B3GALT1: variants seen among roughly 807,000 people sequenced by gnomAD.
The protein encoded by B3GALT1 is beta-1,3-galactosyltransferase 1.
B3GALT1 carries 10 observed loss-of-function variants against 23.2 expected under a neutral mutation model. The ratio of observed to expected loss-of-function variants is 0.43; its 90% CI spans 0.27 to 0.73. B3GALT1 has a LOEUF of 0.73. B3GALT1 is among the 30% of genes least tolerant of loss of function. The pLI, the probability that B3GALT1 is intolerant of heterozygous loss-of-function variation, is 0.21. For synonymous variants in B3GALT1, 156 were observed against 141.5 expected (o/e 1.10, Z -0.73); for missense variants, 299 against 405.4 (o/e 0.74, Z 2.25).
chr2:167,737,168 C>G (rs567013059), intron 3 of B3GALT1, among the ~76,000 whole-genome samples: 23 of 152,272 alleles, frequency 1.5e-4, no homozygotes, highest in African/African-American at 5.3e-4. Flanking sequence ...CTTACAGGAG[C>G]TTACATTCAT....
At chr2:167,429,307 A>T (rs975377510) in intron 1 of B3GALT1, among the ~76,000 whole-genome samples, 2 of 151,522 alleles carry the variant, frequency 1.3e-5, no homozygotes, top group African/African-American at 4.8e-5. Context: ...AAAATAAGAA[A>T]TGTTTTAAAA....
intron 1 of B3GALT1, among the ~76,000 whole-genome samples, chr2:167,418,842 C>G (rs1035588802): frequency 6.6e-6 from 1 of 152,108 alleles, no homozygotes; most frequent in Non-Finnish European, 1.5e-5. Flanking sequence ...CAGCCTCTTC[C>G]GCTTTCTTCT....
chr2:167,743,779 C>T (rs528464216), intron 3 of B3GALT1, among the ~76,000 whole-genome samples: 1 of 152,152 alleles, frequency 6.6e-6, no homozygotes, highest in South Asian at 2.1e-4. Context: ...ACAACTTTGG[C>T]TGTGTTGACC....
At chr2:167,614,281 G>T (rs1402951679) in intron 2 of B3GALT1, among the ~76,000 whole-genome samples, 1 of 130,378 alleles carries the variant, frequency 7.7e-6, no homozygotes, top group Non-Finnish European at 1.7e-5. Context: ...CAAAGAAAAT[G>T]AAAAAAAAAA....
At chr2:167,348,666 T>A (rs1697261879) in intron 1 of B3GALT1, among the ~76,000 whole-genome samples, 1 of 152,160 alleles carries the variant, frequency 6.6e-6, no homozygotes, top group African/African-American at 2.4e-5. Flanking sequence ...ATCACAGATT[T>A]TTTTTTATTC....
intron 2 of B3GALT1, among the ~76,000 whole-genome samples, chr2:167,508,259 T>A (rs1053764742): frequency 2.3e-5 from 1 of 42,934 alleles, no homozygotes; most frequent in Non-Finnish European, 3.6e-5. Context: ...TTTTTATTAA[T>A]TTTTTTTTTT....
At chr2:167,774,787 C>T (rs1402051243) in intron 3 of B3GALT1, among the ~76,000 whole-genome samples, 5 of 151,998 alleles carry the variant, frequency 3.3e-5, no homozygotes, top group South Asian at 2.1e-4. Context: ...TGAGCCACCA[C>T]GCCCGGCCTC....
chr2:167,771,464 G>A lies in B3GALT1; in HGVS notation c.-351-47208G>A, dbSNP rs575386732. On this transcript the variant is annotated intron_variant, in intron 3 of 4. Transcript: ENST00000392690. Reference sequence around the variant, plus strand: ...ACAAACAAAAAAGTCCCAGCTACTCGGATGGCTGAGGCAGGAGAATTGCTT... The same window carrying A: ...ACAAACAAAAAAGTCCCAGCTACTCAGATGGCTGAGGCAGGAGAATTGCTT... Among the ~76,000 whole-genome samples the A allele has an allele frequency of 7.1e-4, 108 of 152,222 alleles. 1 individual carries two copies. The highest frequency in any genetic ancestry group is 2.5e-3 in the African/African-American group (104 of 41,544).
At chr2:167,730,147 C>T (rs1262655120) in intron 3 of B3GALT1, among the ~76,000 whole-genome samples, 3 of 152,208 alleles carry the variant, frequency 2.0e-5, no homozygotes, top group Non-Finnish European at 2.9e-5. Context: ...AATCTATTTT[C>T]TGGCTTACTA....
intron 3 of B3GALT1, among the ~76,000 whole-genome samples, chr2:167,653,853 C>T (rs542951598): frequency 1.9e-4 from 29 of 152,290 alleles, no homozygotes; most frequent in Admixed American, 5.2e-4. Flanking sequence ...CTCCTTTGCT[C>T]GGTTCATCAC....
At chr2:167,640,938 C>T (rs1685642817) in intron 2 of B3GALT1, among the ~76,000 whole-genome samples, 1 of 152,014 alleles carries the variant, frequency 6.6e-6, no homozygotes, top group Non-Finnish European at 1.5e-5. Context: ...ATATTGAGCT[C>T]AACAATGGTC....
intron 3 of B3GALT1, among the ~76,000 whole-genome samples, chr2:167,658,696 T>C (rs956626796): frequency 1.1e-4 from 17 of 152,090 alleles, no homozygotes; most frequent in African/African-American, 3.6e-4. Context: ...CAGTTCATCA[T>C]AGGAAGATGG....
intron 2 of B3GALT1, among the ~76,000 whole-genome samples, chr2:167,512,594 GTATATATATATA>G (rs60242658): frequency 0.11 from 6,140 of 57,282 alleles, 831 homozygotes; most frequent in African/African-American, 0.39. Flanking sequence ...ATATATATGT[GTATATATATATA>G]TGTATATATA....
chr2:167,508,490 C>G (rs958002728), intron 2 of B3GALT1, among the ~76,000 whole-genome samples: 1 of 152,036 alleles, frequency 6.6e-6, no homozygotes, highest in South Asian at 2.1e-4. Flanking sequence ...GATCTCCTAA[C>G]CTCGTGATCC....
intron 3 of B3GALT1, among the ~76,000 whole-genome samples, chr2:167,707,875 A>G (rs2105515547): frequency 6.6e-6 from 1 of 152,350 alleles, no homozygotes; most frequent in East Asian, 1.9e-4. Context: ...ATAAAATAGC[A>G]GTTACATTGG....
At chr2:167,512,596 A>ATATATATATATG (rs766172004) in intron 2 of B3GALT1, among the ~76,000 whole-genome samples, 3,191 of 75,292 alleles carry the variant, frequency 0.042, 285 homozygotes, top group East Asian at 0.34. Context: ...ATATATGTGT[A>ATATATATATATG]TATATATATA....
chr2:167,450,137 A>G (rs551977593), intron 1 of B3GALT1, among the ~76,000 whole-genome samples: 9 of 152,056 alleles, frequency 5.9e-5, no homozygotes, highest in South Asian at 2.1e-4. Flanking sequence ...CCTTCTTTCT[A>G]TTTTGTGGAA....
chr2:167,528,640 G>A (rs1485478940), intron 2 of B3GALT1, among the ~76,000 whole-genome samples: 1 of 152,052 alleles, frequency 6.6e-6, no homozygotes, highest in Non-Finnish European at 1.5e-5. Flanking sequence ...TGTACTTAAT[G>A]AAATACTCTT....
At chr2:167,468,987 T>C (rs78286703) in intron 1 of B3GALT1, among the ~76,000 whole-genome samples, 5,729 of 152,328 alleles carry the variant, frequency 0.038, 235 homozygotes, top group East Asian at 0.14. Context: ...ATGTATTTAC[T>C]GAATAAAATA....
Sources: gnomAD v4.1 joint callset for allele counts (sites outside exome capture counted in the v4.1 genomes callset) on GRCh38, gnomAD v4.1.1 for gene constraint, MANE v1.5 for transcripts, NCBI Gene and HGNC (gene_info 2026-07-23, HGNC 2026-07-21) for gene names.